The following NRXN1 variants were observed in gnomAD, a reference collection of about 807,000 sequenced individuals.
NRXN1 encodes the protein neurexin-1.
NRXN1 carries 39 observed loss-of-function variants against 150.9 expected under a neutral mutation model. The observed-to-expected ratio is 0.26, with a 90% CI of 0.20 to 0.34. NRXN1 has a LOEUF of 0.34. Ranked by LOEUF, NRXN1 falls within the 10% of genes least tolerant of loss-of-function variation. The probability of loss-of-function intolerance (pLI) is 1.00; values close to 1 mark genes in which losing one functional copy is unlikely to be tolerated. For synonymous variants in NRXN1, 924 were observed against 757.0 expected (o/e 1.22, Z -3.62); for missense variants, 1,815 against 1,949.9 (o/e 0.93, Z 1.30).
At chr2:50,911,481 G>T (rs1474863615) in intron 5 of NRXN1, among the ~76,000 whole-genome samples, 1 of 151,356 alleles carries the variant, frequency 6.6e-6, no homozygotes, top group Non-Finnish European at 1.5e-5. Flanking sequence ...TTATTTTTCA[G>T]TAGAATCCAT....
chr2:50,816,273 T>C (rs1001191194), intron 5 of NRXN1, among the ~76,000 whole-genome samples: 6 of 152,092 alleles, frequency 3.9e-5, no homozygotes, highest in African/African-American at 1.4e-4. Context: ...TCTTCTTCTA[T>C]TTTATTTAGG....
chr2:49,938,589 G>A (rs1671444881), intron 22 of NRXN1, among the ~76,000 whole-genome samples: 1 of 152,090 alleles, frequency 6.6e-6, no homozygotes, highest in South Asian at 2.1e-4. Flanking sequence ...TTTTACAAAA[G>A]TTTAATTGAT....
rs925485740 is a variant in NRXN1, at chr2:50,494,860, C to T, written c.3070+1045G>A. 3.3e-5 allele frequency among the ~76,000 whole-genome samples: 5 copies of T among 151,904 alleles called. No homozygotes were observed. The East Asian group carries it at 9.7e-4, about 30-fold the overall frequency. ...GCAGCCTGACCAACACGGCAAAAAC[C>T]TGTCTCTACTAAAACACAAAATTAG... On this transcript the variant is annotated intron_variant, in intron 15 of 22. Coordinates refer to ENST00000401669, the MANE Select transcript of NRXN1 (RefSeq NM_001330078.2).
At chr2:50,334,192 AAT>A (rs1553457969) in intron 17 of NRXN1, among the ~76,000 whole-genome samples, 157 of 118,424 alleles carry the variant, frequency 1.3e-3, no homozygotes, top group Middle Eastern at 8.3e-3. Context: ...ACCAGGACCA[AAT>A]ATATATATAT....
intron 5 of NRXN1, among the ~76,000 whole-genome samples, chr2:50,633,701 A>C (rs2104423047): frequency 6.6e-6 from 1 of 152,268 alleles, no homozygotes; most frequent in South Asian, 2.1e-4. Flanking sequence ...CAACACAGAA[A>C]GAGCATAGAA....
chr2:50,922,632 G>A (rs753383599), intron 4 of NRXN1, 26 bp downstream of exon 4: 3 of 1,608,292 alleles, frequency 1.9e-6, no homozygotes, highest in Non-Finnish European at 2.5e-6. Context: ...ACTGAAAGCA[G>A]AGTGGAAAAG....
intron 17 of NRXN1, among the ~76,000 whole-genome samples, chr2:50,429,462 G>C (rs2084772010): frequency 6.6e-6 from 1 of 151,966 alleles, no homozygotes; most frequent in Non-Finnish European, 1.5e-5. Flanking sequence ...TCATTATGTT[G>C]GCCAGGCTGG....
chr2:50,167,958 T>A (rs1256416251), intron 18 of NRXN1, among the ~76,000 whole-genome samples: 1 of 152,208 alleles, frequency 6.6e-6, no homozygotes, highest in Non-Finnish European at 1.5e-5. Context: ...AAGTAAAATA[T>A]CCATGCATAT....
chr2:50,287,439 C>A (rs914160975), intron 17 of NRXN1, among the ~76,000 whole-genome samples: 1 of 152,070 alleles, frequency 6.6e-6, no homozygotes, highest in Non-Finnish European at 1.5e-5. Flanking sequence ...ATATAATTTC[C>A]ATTTTAATGC....
At chr2:50,095,987 C>A (rs1700174856) in intron 18 of NRXN1, among the ~76,000 whole-genome samples, 1 of 132,304 alleles carries the variant, frequency 7.6e-6, no homozygotes, top group South Asian at 2.5e-4. Flanking sequence ...CTTCCTGTGT[C>A]CAAGTGTTCT....
chr2:50,337,851 G>T (rs2077293228), intron 17 of NRXN1, among the ~76,000 whole-genome samples: 1 of 152,008 alleles, frequency 6.6e-6, no homozygotes, highest in African/African-American at 2.4e-5. Flanking sequence ...GATTACTGAG[G>T]CAAAATGTTA....
At chr2:50,522,607 T>A (rs2105135872) in intron 12 of NRXN1, among the ~76,000 whole-genome samples, 1 of 151,994 alleles carries the variant, frequency 6.6e-6, no homozygotes, top group East Asian at 1.9e-4. Context: ...TGTTGCCTAA[T>A]CCATGTAGTC....
intron 5 of NRXN1, among the ~76,000 whole-genome samples, chr2:50,636,881 A>C (rs1683307957): frequency 6.6e-6 from 1 of 152,212 alleles, no homozygotes; most frequent in Admixed American, 6.5e-5. Context: ...AATTGCAAAT[A>C]TACGCATAGA....
chr2:49,976,538 A>G (rs1679022990), intron 21 of NRXN1, among the ~76,000 whole-genome samples: 1 of 152,190 alleles, frequency 6.6e-6, no homozygotes. Flanking sequence ...GGTTTAGAAG[A>G]GCATGACTGG....
rs2081154908 is a variant in NRXN1 at position 50,384,111 on chromosome 2, C to G, written c.3364+81331G>C. On this transcript the variant is annotated intron_variant, in intron 17 of 22. Coordinates refer to ENST00000401669, the MANE Select transcript of NRXN1 (RefSeq NM_001330078.2). ...TTTTATCTGTTTCTGCCTTGTGTAT[C>G]AGAATATGGATTTTCCTAAGTGACA... 1.3e-5 allele frequency among the ~76,000 whole-genome samples: 2 copies of G among 152,126 alleles called. 1 individual carries two copies. Among genetic ancestry groups the G allele is most frequent in the East Asian group, 3.9e-4 (2 of 5,186 alleles).
At chr2:50,245,846 G>A (rs1378528594) in intron 17 of NRXN1, among the ~76,000 whole-genome samples, 1 of 151,374 alleles carries the variant, frequency 6.6e-6, no homozygotes, top group Non-Finnish European at 1.5e-5. Context: ...CAAAACTGAG[G>A]CACAGAGAAA....
At chr2:50,731,467 T>A (rs1168916581) in intron 5 of NRXN1, among the ~76,000 whole-genome samples, 2 of 152,094 alleles carry the variant, frequency 1.3e-5, no homozygotes, top group Non-Finnish European at 2.9e-5. Flanking sequence ...CAGAAAAAAA[T>A]GTTATCCGGC....
intron 18 of NRXN1, among the ~76,000 whole-genome samples, chr2:50,158,487 A>G (rs921348464): frequency 4.6e-5 from 7 of 152,048 alleles, no homozygotes; most frequent in Non-Finnish European, 7.4e-5. Context: ...AAGGAAAAAA[A>G]GGGTTCTGGA....
chr2:50,325,197 A>G lies in NRXN1; in HGVS notation c.3365-88227T>C, dbSNP rs2076305647. On this transcript the variant is annotated intron_variant, in intron 17 of 22. Transcript: ENST00000401669. ...ATCAGAATGGATGAAAACAACAATA[A>G]AACAATGTAGTCCAGTGACATAAAT... 2.0e-5 allele frequency among the ~76,000 whole-genome samples: 3 copies of G among 152,340 alleles called. 1 individual carries two copies. In the South Asian group the frequency reaches 6.2e-4, roughly 32 times the overall value.
Sources: allele counts gnomAD v4.1 joint callset (sites outside exome capture counted in the v4.1 genomes callset), GRCh38; gene constraint gnomAD v4.1.1; transcripts MANE v1.5; gene names NCBI Gene and HGNC (gene_info 2026-07-23, HGNC 2026-07-21).